Variants in RNLS observed in about 807,000 individuals in gnomAD.
RNLS encodes the protein renalase.
A neutral mutation model predicts 39.8 loss-of-function variants in RNLS; 39 were observed. The observed-to-expected ratio is 0.98, with a 90% CI of 0.76 to 1.28. RNLS has a LOEUF of 1.28. RNLS is among the 50% of genes most tolerant of loss of function. The pLI, the probability that RNLS is intolerant of heterozygous loss-of-function variation, is 0.00. For synonymous variants in RNLS, 147 were observed against 150.7 expected (o/e 0.98, Z 0.18); for missense variants, 410 against 413.3 (o/e 0.99, Z 0.07).
intron 4 of RNLS, among the ~76,000 whole-genome samples, chr10:88,481,469 G>C (rs1383439472): frequency 1.3e-5 from 2 of 151,558 alleles, no homozygotes; most frequent in African/African-American, 2.4e-5. Context: ...AATTTATTTG[G>C]AATTATTTTC....
intron 5 of RNLS, among the ~76,000 whole-genome samples, chr10:88,345,135 C>T (rs774137839): frequency 2.0e-5 from 3 of 152,048 alleles, no homozygotes; most frequent in Non-Finnish European, 4.4e-5. Context: ...TCAATAATGT[C>T]ACATCTGGGC....
At chr10:88,429,913 T>C (rs1348396150) in intron 4 of RNLS, among the ~76,000 whole-genome samples, 1 of 151,884 alleles carries the variant, frequency 6.6e-6, no homozygotes, top group Non-Finnish European at 1.5e-5. Context: ...CAATACCATA[T>C]AGCTTTATGA....
chr10:88,334,853 C>G (rs1847371400), intron 5 of RNLS, among the ~76,000 whole-genome samples: 1 of 152,052 alleles, frequency 6.6e-6, no homozygotes, highest in Middle Eastern at 3.2e-3. Flanking sequence ...AATGAGCAAG[C>G]AATTTTTCCT....
intron 4 of RNLS, among the ~76,000 whole-genome samples, chr10:88,544,824 G>T (rs1848218158): frequency 6.6e-6 from 1 of 152,118 alleles, no homozygotes; most frequent in Admixed American, 6.5e-5. Flanking sequence ...TGGGAAATAT[G>T]ACTATGGAAA....
intron 4 of RNLS, among the ~76,000 whole-genome samples, chr10:88,387,986 GT>G (rs1307568032): frequency 1.3e-5 from 2 of 152,290 alleles, no homozygotes; most frequent in East Asian, 3.9e-4. Context: ...TGAAACCTAT[GT>G]CTAGAGGGCT....
the RNLS span, among the ~76,000 whole-genome samples, chr10:88,216,787 C>G: frequency 6.6e-6 from 1 of 152,066 alleles, no homozygotes; most frequent in African/African-American, 2.4e-5. Flanking sequence ...ACAACAACAA[C>G]AAAAAAACCC....
intron 4 of RNLS, among the ~76,000 whole-genome samples, chr10:88,454,268 G>C (rs1486338347): frequency 1.3e-5 from 2 of 152,174 alleles, no homozygotes; most frequent in Non-Finnish European, 2.9e-5. Flanking sequence ...ATGACTATCA[G>C]ATTTGATAAT....
chr10:88,275,061 C>T (rs1842762541), intron 6 of RNLS: 2 of 1,536,506 alleles, frequency 1.3e-6, no homozygotes, highest in African/African-American at 2.7e-5. Context: ...TCCTTCAACC[C>T]CAGTGCCACC....
intron 6 of RNLS, among the ~76,000 whole-genome samples, chr10:88,293,323 T>C (rs1843815599): frequency 6.6e-6 from 1 of 152,196 alleles, no homozygotes; most frequent in African/African-American, 2.4e-5. Context: ...TCCTTGCATT[T>C]CTCTACTCTG....
intron 4 of RNLS, among the ~76,000 whole-genome samples, chr10:88,501,631 A>C (rs1247969720): frequency 1.3e-5 from 2 of 152,142 alleles, no homozygotes; most frequent in Admixed American, 6.6e-5. Context: ...TCTGAACCGC[A>C]ATGCGTTAGT....
chr10:88,534,010 G>C (rs181986423), intron 4 of RNLS, among the ~76,000 whole-genome samples: 1 of 152,162 alleles, frequency 6.6e-6, no homozygotes, highest in East Asian at 1.9e-4. Flanking sequence ...AACTAACAAA[G>C]AAGGAAGAGA....
intron 4 of RNLS, among the ~76,000 whole-genome samples, chr10:88,472,838 G>C (rs754003043): frequency 2.0e-5 from 3 of 152,126 alleles, no homozygotes; most frequent in Non-Finnish European, 2.9e-5. Context: ...TTTTTAACAA[G>C]CACTCAGATA....
intron 4 of RNLS, among the ~76,000 whole-genome samples, chr10:88,400,004 T>C (rs1852814549): frequency 6.6e-6 from 1 of 151,994 alleles, no homozygotes; most frequent in African/African-American, 2.4e-5. Flanking sequence ...TCGAATCTCT[T>C]ACTCTGTGGT....
chr10:88,475,680 C>T (rs1330130959), intron 4 of RNLS, among the ~76,000 whole-genome samples: 3 of 152,044 alleles, frequency 2.0e-5, no homozygotes, highest in African/African-American at 7.2e-5. Flanking sequence ...TGTGAGGATC[C>T]AGAGATCACA....
intron 4 of RNLS, among the ~76,000 whole-genome samples, chr10:88,448,546 T>C (rs1842178469): frequency 6.6e-6 from 1 of 152,350 alleles, no homozygotes; most frequent in African/African-American, 2.4e-5. Context: ...TTTTACACTG[T>C]TGGTGGGACT....
chr10:88,449,689 T>C (rs1842255961), intron 4 of RNLS, among the ~76,000 whole-genome samples: 1 of 152,206 alleles, frequency 6.6e-6, no homozygotes, highest in Non-Finnish European at 1.5e-5. Flanking sequence ...TAAGGAATCT[T>C]AAATTTTTAA....
chr10:88,198,904 A>T, the RNLS span, among the ~76,000 whole-genome samples: 1 of 152,182 alleles, frequency 6.6e-6, no homozygotes, highest in Non-Finnish European at 1.5e-5. Flanking sequence ...GTTGTATGAT[A>T]TTATTAATAC....
intron 6 of RNLS, among the ~76,000 whole-genome samples, chr10:88,298,675 A>G (rs1844271398): frequency 6.6e-6 from 1 of 152,218 alleles, no homozygotes; most frequent in African/African-American, 2.4e-5. Flanking sequence ...TTTCAATTAC[A>G]TTCCATTGAT....
chr10:88,384,482 G>A (rs1202583624), intron 4 of RNLS, among the ~76,000 whole-genome samples: 1 of 152,218 alleles, frequency 6.6e-6, no homozygotes, highest in Non-Finnish European at 1.5e-5. Context: ...AGGAAGATGA[G>A]ATTAAATCAT....
Sources: allele counts gnomAD v4.1 joint callset (sites outside exome capture counted in the v4.1 genomes callset), GRCh38; gene constraint gnomAD v4.1.1; transcripts MANE v1.5; gene names NCBI Gene and HGNC (gene_info 2026-07-23, HGNC 2026-07-21).